The following TENM2 variants were observed in gnomAD, a reference collection of about 807,000 sequenced individuals.
The protein encoded by TENM2 is teneurin transmembrane protein 2.
In TENM2, 52 loss-of-function variants were observed where a neutral mutation model predicts 245.2. That is an observed-to-expected ratio of 0.21 (90% CI 0.17 to 0.27). The LOEUF is 0.27. Ranked by LOEUF, TENM2 falls within the 10% of genes least tolerant of loss-of-function variation. TENM2 has a pLI of 1.00. For synonymous variants in TENM2, 1,363 were observed against 1,438.9 expected (o/e 0.95, Z 1.19); for missense variants, 3,046 against 3,666.8 (o/e 0.83, Z 4.37).
chr5:167,743,726 A>G (rs899219601), intron 2 of TENM2, among the ~76,000 whole-genome samples: 2 of 152,188 alleles, frequency 1.3e-5, no homozygotes, highest in Non-Finnish European at 2.9e-5. Flanking sequence ...GTTAAATTAT[A>G]GCAACTATAA....
chr5:167,324,033 C>T (rs763103178), intron 1 of TENM2, among the ~76,000 whole-genome samples: 1 of 152,150 alleles, frequency 6.6e-6, no homozygotes, highest in African/African-American at 2.4e-5. Flanking sequence ...TCGTCTTAGC[C>T]GTGACCTTCA....
chr5:167,596,811 GAAGAA>G (rs1440088069), intron 2 of TENM2, among the ~76,000 whole-genome samples: 14 of 144,480 alleles, frequency 9.7e-5, no homozygotes, highest in East Asian at 6.2e-4. Flanking sequence ...AAAAAAAAAA[GAAGAA>G]AAGAAAAAAA....
chr5:167,972,522 A>G (rs1335249834), intron 4 of TENM2, among the ~76,000 whole-genome samples: 1 of 152,206 alleles, frequency 6.6e-6, no homozygotes, highest in Admixed American at 6.5e-5. Context: ...GTAATGAAAC[A>G]TCTTGTGTAT....
chr5:167,521,184 T>C (rs1770730812), intron 2 of TENM2, among the ~76,000 whole-genome samples: 2 of 152,024 alleles, frequency 1.3e-5, no homozygotes, highest in Non-Finnish European at 2.9e-5. Context: ...ATTCAGGATA[T>C]TTATAGCCAG....
At chr5:167,928,434 G>A (rs1384673676) in intron 3 of TENM2, among the ~76,000 whole-genome samples, 1 of 152,204 alleles carries the variant, frequency 6.6e-6, no homozygotes, top group Non-Finnish European at 1.5e-5. Flanking sequence ...CACCATGATA[G>A]AGCTGTGGGA....
At chr5:166,979,206 G>GCAGCAGCAGCACCACCAC in the TENM2 span, among the ~76,000 whole-genome samples, 3 of 144,872 alleles carry the variant, frequency 2.1e-5, no homozygotes, top group Non-Finnish European at 4.5e-5. Context: ...AGCAGCAGCA[G>GCAGCAGCAGCACCACCAC]CAGCAGCAGC....
At chr5:168,002,681 G>A (rs1452699910) in intron 5 of TENM2, among the ~76,000 whole-genome samples, 3 of 152,182 alleles carry the variant, frequency 2.0e-5, no homozygotes, top group South Asian at 4.1e-4. Flanking sequence ...CCTGAATCTC[G>A]AGAGAATTAT....
intron 3 of TENM2, among the ~76,000 whole-genome samples, chr5:167,906,290 G>A (rs1352921747): frequency 6.6e-6 from 1 of 152,186 alleles, no homozygotes; most frequent in Non-Finnish European, 1.5e-5. Flanking sequence ...CAATGCTCTA[G>A]GAATGCAATT....
intron 2 of TENM2, among the ~76,000 whole-genome samples, chr5:167,786,250 G>T (rs1021618790): frequency 6.6e-6 from 1 of 152,088 alleles, no homozygotes; most frequent in Non-Finnish European, 1.5e-5. Context: ...TCTCACAAAT[G>T]GCAGAGGCTG....
At chr5:167,039,710 T>C in the TENM2 span, among the ~76,000 whole-genome samples, 1 of 141,438 alleles carries the variant, frequency 7.1e-6, no homozygotes, top group African/African-American at 2.8e-5. Flanking sequence ...AGTGTTAGCA[T>C]TGGTTTCACT....
chr5:167,805,227 A>G (rs1006558997), intron 2 of TENM2, among the ~76,000 whole-genome samples: 2 of 151,584 alleles, frequency 1.3e-5, no homozygotes, highest in East Asian at 3.9e-4. Context: ...ACTGCCTTCC[A>G]TTCAATTGTT....
intron 3 of TENM2, chr5:167,949,024 A>C (rs1354884963): frequency 6.6e-6 from 1 of 152,194 alleles, no homozygotes; most frequent in East Asian, 1.9e-4. Flanking sequence ...AAAAGTGATA[A>C]ATGCAAAAAG....
At chr5:167,995,763 A>G (rs914597015) in intron 5 of TENM2, among the ~76,000 whole-genome samples, 1 of 152,240 alleles carries the variant, frequency 6.6e-6, no homozygotes, top group African/African-American at 2.4e-5. Flanking sequence ...ATCACTTTGA[A>G]GATGAAAAGC....
chr5:167,147,240 G>A, the TENM2 span, among the ~76,000 whole-genome samples: 1 of 152,250 alleles, frequency 6.6e-6, no homozygotes, highest in Non-Finnish European at 1.5e-5. Flanking sequence ...AGGAAATGAA[G>A]GATCTGAGCC....
chr5:167,777,653 A>G (rs1288930305), intron 2 of TENM2, among the ~76,000 whole-genome samples: 1 of 152,262 alleles, frequency 6.6e-6, no homozygotes, highest in Non-Finnish European at 1.5e-5. Context: ...AGTGCCTAAC[A>G]GCCAGGGTTG....
At chr5:167,927,227 G>A (rs769387726) in intron 3 of TENM2, among the ~76,000 whole-genome samples, 12 of 152,086 alleles carry the variant, frequency 7.9e-5, no homozygotes, top group Non-Finnish European at 1.0e-4. Flanking sequence ...TTTCCATCAG[G>A]CTGGGTTCAT....
At chr5:167,389,055 T>A (rs1761605971) in intron 2 of TENM2, among the ~76,000 whole-genome samples, 1 of 151,986 alleles carries the variant, frequency 6.6e-6, no homozygotes, top group Non-Finnish European at 1.5e-5. Context: ...TAAAACAGAA[T>A]CCTAATGCTA....
At chr5:167,750,404 G>A (rs968834733) in intron 2 of TENM2, among the ~76,000 whole-genome samples, 1 of 152,232 alleles carries the variant, frequency 6.6e-6, no homozygotes, top group South Asian at 2.1e-4. Flanking sequence ...TCTTGACAAA[G>A]GCATTGTCCT....
intron 5 of TENM2, among the ~76,000 whole-genome samples, chr5:168,004,605 T>C (rs1394434511): frequency 6.6e-6 from 1 of 152,126 alleles, no homozygotes; most frequent in Non-Finnish European, 1.5e-5. Flanking sequence ...CAGAAACCTC[T>C]TTTAATATGT....
Sources: gnomAD v4.1 joint callset for allele counts (sites outside exome capture counted in the v4.1 genomes callset) on GRCh38, gnomAD v4.1.1 for gene constraint, MANE v1.5 for transcripts, NCBI Gene and HGNC (gene_info 2026-07-23, HGNC 2026-07-21) for gene names.